IRS2: variants seen among roughly 807,000 people sequenced by gnomAD.
IRS2 encodes the protein insulin receptor substrate 2.
IRS2 carries 28 observed loss-of-function variants against 70.9 expected under a neutral mutation model. That is an observed-to-expected ratio of 0.39 (90% CI 0.29 to 0.54). The LOEUF (loss-of-function observed/expected upper bound fraction) is 0.54, where lower values mean the gene tolerates loss of function less well. IRS2 is among the 20% of genes least tolerant of loss of function. The pLI is 0.59. For synonymous variants in IRS2, 1,217 were observed against 981.9 expected (o/e 1.24, Z -4.48); for missense variants, 2,081 against 2,024.1 (o/e 1.03, Z -0.54).
At chr13:109,772,765 G>C (rs12584131) in intron 1 of IRS2, among the ~76,000 whole-genome samples, 1 of 148,568 alleles carries the variant, frequency 6.7e-6, no homozygotes, top group Non-Finnish European at 1.5e-5. Flanking sequence ...GCGCGATCTC[G>C]GCTCACTGCA....
Position 109,775,400 on chromosome 13 carries a change from T to C in IRS2, c.4012+6642A>G, listed in dbSNP as rs138378767. On this transcript the variant is annotated intron_variant, in intron 1 of 1. Transcript: ENST00000375856. ...TCCCAAAGCGCTGGGATTACAGGCATGAGCCACCAAGCTCATCCAAGAATG... is the reference window on the plus strand; with the variant it reads ...TCCCAAAGCGCTGGGATTACAGGCACGAGCCACCAAGCTCATCCAAGAATG... Among the ~76,000 whole-genome samples the C allele has an allele frequency of 2.7e-3, 416 of 152,286 alleles. 3 individuals carry two copies. The highest frequency in any genetic ancestry group is 9.3e-3 in the African/African-American group (388 of 41,558).
At chr13:109,776,426 C>T (rs1317365079) in intron 1 of IRS2, among the ~76,000 whole-genome samples, 1 of 152,156 alleles carries the variant, frequency 6.6e-6, no homozygotes, top group Non-Finnish European at 1.5e-5. Context: ...TAGTATTTTC[C>T]TAGTCTAATA....
intron 1 of IRS2, among the ~76,000 whole-genome samples, chr13:109,757,960 G>A (rs1248695224): frequency 6.6e-6 from 1 of 152,204 alleles, no homozygotes; most frequent in Non-Finnish European, 1.5e-5. Flanking sequence ...GGGATTACAG[G>A]CGTGGGCCAC....
Position 109,782,998 on chromosome 13 carries a change from G to C in IRS2, c.3056C>G (p.Pro1019Arg). The change falls in exon 1 of 2, where the codon CCG becomes CGG. Residue 1019 changes from proline (P) to arginine (R), a missense_variant. Pro to Arg is a moderately radical substitution (Grantham distance 103). Coordinates refer to ENST00000375856, the MANE Select transcript of IRS2 (RefSeq NM_003749.3). The part of the protein sequence containing the change: ...EASSPYPPLP[P>R]RPSASPSSSL... ...CGACGACGGGGACGCGGACGGACGC[G>C]GGGGCAACGGCGGATACGGGGAGGA... 7.3e-7 allele frequency: 1 copy of C among 1,368,440 alleles called. No individual in the cohort carries two copies. Among genetic ancestry groups the C allele is most frequent in the Non-Finnish European group, 9.4e-7 (1 of 1,065,310 alleles). The allele number at this position is 1,368,440 out of a possible 1,614,324, so 84.8% of individuals were successfully genotyped here. A position where few individuals can be genotyped will look rare whatever the true frequency, so the allele number is the denominator to read the frequency against.
intron 1 of IRS2, among the ~76,000 whole-genome samples, chr13:109,780,956 A>T (rs1290020284): frequency 6.6e-6 from 1 of 152,182 alleles, no homozygotes; most frequent in Non-Finnish European, 1.5e-5. Flanking sequence ...CCTCATGGAT[A>T]TTTGATCAGA....
chr13:109,774,978 G>C (rs932512920), intron 1 of IRS2, among the ~76,000 whole-genome samples: 2 of 152,080 alleles, frequency 1.3e-5, no homozygotes, highest in African/African-American at 4.8e-5. Flanking sequence ...TGTCTACCAA[G>C]TTGTGGGATT....
chr13:109,774,691 C>G (rs1466553391), intron 1 of IRS2, among the ~76,000 whole-genome samples: 1 of 152,188 alleles, frequency 6.6e-6, no homozygotes, highest in East Asian at 1.9e-4. Flanking sequence ...AGCAAGTCAT[C>G]TGGCCTCTCC....
At chr13:109,758,425 CT>C (rs1241481683) in intron 1 of IRS2, among the ~76,000 whole-genome samples, 1 of 152,190 alleles carries the variant, frequency 6.6e-6, no homozygotes, top group African/African-American at 2.4e-5. Flanking sequence ...AACAGCTAAA[CT>C]AGTAAGTTCT....
chr13:109,783,973 G>GCCC lies in IRS2; in HGVS notation c.2078_2080dup (p.Arg693_Ala694insGly). 6.6e-7 allele frequency: 1 copy of GCCC among 1,524,298 alleles called. No individual in the cohort carries two copies. The highest frequency in any genetic ancestry group is 1.2e-5 in the South Asian group (1 of 81,916). The allele number at this position is 1,524,298 out of a possible 1,614,324, so 94.4% of individuals were successfully genotyped here. A position where few individuals can be genotyped will look rare whatever the true frequency, so the allele number is the denominator to read the frequency against. Reference sequence around the variant, plus strand: ...CACGGCGGCGGCGGCGGCGGCGGCGGCCCTGGGCTGCAAGATCTGCTTGGG... The same window carrying GCCC: ...CACGGCGGCGGCGGCGGCGGCGGCGGCCCCCCTGGGCTGCAAGATCTGCTTGGG... On this transcript the variant is annotated inframe_insertion, in exon 1 of 2. Coordinates refer to ENST00000375856, the MANE Select transcript of IRS2 (RefSeq NM_003749.3).
At chr13:109,781,159 T>A (rs1317828454) in intron 1 of IRS2, among the ~76,000 whole-genome samples, 1 of 151,948 alleles carries the variant, frequency 6.6e-6, no homozygotes, top group African/African-American at 2.4e-5. Context: ...GGGTCTGGGG[T>A]GAGGCCCAAC....
rs2138907208 is a variant in IRS2 at position 109,755,078 on chromosome 13, A to G, written c.*1226T>C. On this transcript the variant is annotated 3_prime_UTR_variant, in exon 2 of 2. Coordinates refer to ENST00000375856, the MANE Select transcript of IRS2 (RefSeq NM_003749.3). The stretch of plus-strand genomic sequence containing the variant: ...CACACTGGTATTTTCAGAATACTGA[A>G]AACATAAAACAAGGGTAGTCTTGTC... 1 of 230,736 alleles carries G rather than the reference A, an allele frequency of 4.3e-6. No individual in the cohort carries two copies. The highest frequency in any genetic ancestry group is 6.1e-5 in the East Asian group (1 of 16,266). 14.3% of individuals were successfully genotyped at this position (230,736 alleles called of 1,614,324 possible).
chr13:109,769,504 C>A (rs193157812), intron 1 of IRS2, among the ~76,000 whole-genome samples: 14 of 152,340 alleles, frequency 9.2e-5, no homozygotes, highest in Non-Finnish European at 2.1e-4. Flanking sequence ...CTGTTCATCC[C>A]CTTTGCCTAC....
intron 1 of IRS2, among the ~76,000 whole-genome samples, chr13:109,775,753 A>AACAC (rs71127906): frequency 0.07 from 9,831 of 140,378 alleles, 361 homozygotes; most frequent in African/African-American, 0.092. Context: ...ATATTATGGA[A>AACAC]ACACACACAC....
intron 1 of IRS2, among the ~76,000 whole-genome samples, chr13:109,758,455 G>A (rs1877154259): frequency 1.3e-5 from 2 of 152,142 alleles, no homozygotes; most frequent in South Asian, 2.1e-4. Flanking sequence ...TCAAACTTAA[G>A]CACTTTGTCA....
At chr13:109,767,728 C>CTTTTTTTT (rs748211544) in intron 1 of IRS2, among the ~76,000 whole-genome samples, 17 of 119,784 alleles carry the variant, frequency 1.4e-4, no homozygotes, top group East Asian at 2.2e-4. Flanking sequence ...ACCATTTTTC[C>CTTTTTTTT]TTTTTTTTTT....
rs373775290 is a variant in IRS2 at position 109,784,125 on chromosome 13, G to A, written c.1929C>T (p.Ser643=). The A allele has an allele frequency of 1.8e-5, 29 of 1,594,966 alleles. 1 individual carries two copies. In the African/African-American group the frequency reaches 3.7e-4, roughly 21 times the overall value. The part of the protein sequence containing the change: ...GDIEIGSHRS[S]SSNLGADDGY... ...CGTCGTCTGCCCCCAGGTTGCTGCT[G>A]GAGCTCCTGTGGGAGCCGATCTCGA... is the stretch of plus-strand genomic sequence containing the variant. Residue 643 remains serine, a synonymous_variant, in exon 1 of 2, where the codon TCC becomes TCT. Transcript: ENST00000375856. The surrounding 1 kb of genome is among the most constrained non-coding windows in gnomAD (Gnocchi z 5.2).
At chr13:109,759,320 C>A (rs557799793) in intron 1 of IRS2, among the ~76,000 whole-genome samples, 96 of 152,314 alleles carry the variant, frequency 6.3e-4, no homozygotes, top group African/African-American at 2.0e-3. Context: ...CATCCCCCCA[C>A]CCCAGGAGGC....
chr13:109,763,204 T>C (rs1594380270), intron 1 of IRS2, among the ~76,000 whole-genome samples: 1 of 152,164 alleles, frequency 6.6e-6, no homozygotes, highest in Admixed American at 6.5e-5. Flanking sequence ...ACAGGCAAAT[T>C]TGTCAGAAAA....
intron 1 of IRS2, among the ~76,000 whole-genome samples, chr13:109,773,440 C>T (rs535399953): frequency 6.6e-6 from 1 of 152,316 alleles, no homozygotes; most frequent in Non-Finnish European, 1.5e-5. Context: ...GTCTTAGAGA[C>T]ACAGAGAGCA....
Sources: allele counts gnomAD v4.1 joint callset (sites outside exome capture counted in the v4.1 genomes callset), GRCh38; gene constraint gnomAD v4.1.1; non-coding constraint Gnocchi (gnomAD v3.1); transcripts MANE v1.5; gene names NCBI Gene and HGNC (gene_info 2026-07-23, HGNC 2026-07-21).